Variants in ASTN2 observed in about 807,000 individuals in gnomAD.
ASTN2 encodes astrotactin 2, also known as astrotactin-2.
In ASTN2, 54 loss-of-function variants were observed where a neutral mutation model predicts 139.8. The ratio of observed to expected loss-of-function variants is 0.39; its 90% CI spans 0.31 to 0.48. ASTN2 has a LOEUF of 0.48. Ranked by LOEUF, ASTN2 falls within the 20% of genes least tolerant of loss-of-function variation. The pLI, the probability that ASTN2 is intolerant of heterozygous loss-of-function variation, is 0.95. For missense variants in ASTN2, 1,565 were observed against 1,725.1 expected (o/e 0.91, Z 1.64); for synonymous variants, 756 against 719.5 (o/e 1.05, Z -0.81).
chr9:116,704,469 A>C (rs1035760605), intron 16 of ASTN2, among the ~76,000 whole-genome samples: 1 of 152,224 alleles, frequency 6.6e-6, no homozygotes, highest in Non-Finnish European at 1.5e-5. Flanking sequence ...AAGAAAATGA[A>C]TGACAGTTTA....
At chr9:117,198,651 C>A (rs1831594623) in intron 3 of ASTN2, among the ~76,000 whole-genome samples, 1 of 152,112 alleles carries the variant, frequency 6.6e-6, no homozygotes, top group Non-Finnish European at 1.5e-5. Flanking sequence ...TGGGTATATA[C>A]CCAGTAATGA....
intron 13 of ASTN2, among the ~76,000 whole-genome samples, chr9:116,735,425 A>T (rs1274774285): frequency 6.6e-6 from 1 of 152,186 alleles, no homozygotes; most frequent in Non-Finnish European, 1.5e-5. Flanking sequence ...TTCCCTTGTG[A>T]GGTGGCCTCT....
At chr9:117,400,799 A>G (rs1055109763) in intron 1 of ASTN2, among the ~76,000 whole-genome samples, 1 of 152,052 alleles carries the variant, frequency 6.6e-6, no homozygotes, top group East Asian at 1.9e-4. Context: ...CACATTAGAG[A>G]TGAGGGAAAG....
chr9:117,157,732 G>C (rs573311481), intron 3 of ASTN2, among the ~76,000 whole-genome samples: 1 of 152,128 alleles, frequency 6.6e-6, no homozygotes, highest in South Asian at 2.1e-4. Flanking sequence ...AGTATGACTA[G>C]AGTTCAGTTT....
At chr9:116,543,585 T>C (rs996032410) in intron 19 of ASTN2, 3 of 152,234 alleles carry the variant, frequency 2.0e-5, no homozygotes, top group East Asian at 3.8e-4. Flanking sequence ...CTGTGCCATA[T>C]CCTGTGTTGT....
chr9:117,214,894 G>T, intron 2 of ASTN2, 152 bp from the exon 3 acceptor site: 1 of 979,768 alleles, frequency 1.0e-6, no homozygotes, highest in Non-Finnish European at 1.3e-6. Flanking sequence ...AAGCTAGAGA[G>T]ACATTGTTTC....
At chr9:117,336,276 CTCA>C (rs1230499180) in intron 1 of ASTN2, among the ~76,000 whole-genome samples, 1 of 152,130 alleles carries the variant, frequency 6.6e-6, no homozygotes, top group Non-Finnish European at 1.5e-5. Flanking sequence ...TAAGATGTCA[CTCA>C]TCCTTTATAC....
intron 20 of ASTN2, among the ~76,000 whole-genome samples, chr9:116,473,816 C>T (rs918017814): frequency 6.6e-5 from 10 of 151,926 alleles, no homozygotes; most frequent in African/African-American, 2.2e-4. Flanking sequence ...GCAGGAGAAT[C>T]GCTTGAACCC....
At chr9:116,791,882 GA>G (rs1303583292) in intron 13 of ASTN2, among the ~76,000 whole-genome samples, 1 of 152,162 alleles carries the variant, frequency 6.6e-6, no homozygotes, top group East Asian at 1.9e-4. Flanking sequence ...AAAAAGGGGG[GA>G]AAGCGAGCTG....
intron 13 of ASTN2, among the ~76,000 whole-genome samples, chr9:116,794,820 G>A (rs1331933851): frequency 6.6e-6 from 1 of 152,222 alleles, no homozygotes. Context: ...GGTGATAATA[G>A]GGGAAGAAAA....
intron 19 of ASTN2, among the ~76,000 whole-genome samples, chr9:116,503,320 G>A (rs75566031): frequency 2.0e-5 from 3 of 151,926 alleles, no homozygotes; most frequent in East Asian, 3.9e-4. Context: ...GGAGGAGGAG[G>A]GGGGGAGAGT....
At chr9:116,693,224 C>T (rs184509791) in intron 16 of ASTN2, among the ~76,000 whole-genome samples, 1 of 152,264 alleles carries the variant, frequency 6.6e-6, no homozygotes, top group East Asian at 1.9e-4. Flanking sequence ...ATAGTCATTA[C>T]AGTACTCTTT....
intron 13 of ASTN2, among the ~76,000 whole-genome samples, chr9:116,770,569 C>T (rs1447161944): frequency 6.6e-6 from 1 of 152,132 alleles, no homozygotes; most frequent in East Asian, 1.9e-4. Context: ...TTCTCTATAC[C>T]TTGTCACAAC....
chr9:117,143,074 G>A (rs1264548626), intron 3 of ASTN2, among the ~76,000 whole-genome samples: 1 of 152,222 alleles, frequency 6.6e-6, no homozygotes, highest in East Asian at 1.9e-4. Flanking sequence ...TGTCTGCAGA[G>A]TAAGTCAGAC....
chr9:116,724,074 A>G (rs1481964853), intron 16 of ASTN2, among the ~76,000 whole-genome samples: 2 of 152,214 alleles, frequency 1.3e-5, no homozygotes, highest in African/African-American at 2.4e-5. Context: ...AAGGATGGAG[A>G]AGGGGTGGGA....
intron 19 of ASTN2, among the ~76,000 whole-genome samples, chr9:116,581,472 T>C (rs905003244): frequency 1.3e-4 from 20 of 152,222 alleles, no homozygotes; most frequent in African/African-American, 4.8e-4. Context: ...CTTCTCCTTT[T>C]GGTCAGTTGG....
chr9:116,955,066 G>A (rs146559367), intron 10 of ASTN2, among the ~76,000 whole-genome samples: 1 of 152,372 alleles, frequency 6.6e-6, no homozygotes, highest in East Asian at 1.9e-4. Flanking sequence ...TGACAGGGAT[G>A]AGGACTCGAA....
chr9:116,910,110 C>T (rs1351327457), intron 10 of ASTN2, among the ~76,000 whole-genome samples: 1 of 150,788 alleles, frequency 6.6e-6, no homozygotes, highest in Non-Finnish European at 1.5e-5. Context: ...AATACAAGTA[C>T]AGTCCAAATT....
rs1857919857 is a variant in ASTN2, at chr9:116,651,614, C to T, written c.2986G>A (p.Glu996Lys). 1 of 1,614,174 alleles carries T rather than the reference C, an allele frequency of 6.2e-7. No individual in the cohort carries two copies. The highest frequency in any genetic ancestry group is 8.5e-7 in the Non-Finnish European group (1 of 1,180,036). Residue 996 changes from glutamate (E) to lysine (K), a missense_variant, in exon 17 of 23, where the codon GAG becomes AAG. Around this residue, in one of 4 missense-constraint regions of ASTN2, gnomAD observed 418 missense variants for 465.8 expected, o/e 0.90. Coordinates refer to ENST00000313400, the MANE Select transcript of ASTN2 (RefSeq NM_001365068.1). ...TCHLCRRPGK[E>K]QLSPTPVLLE... Reference sequence around the variant, plus strand: ...AGCACTGGTGTGGGGCTCAGCTGCTCCTTGCCTGGCCGGCGGCAAAGGTGA... The same window carrying T: ...AGCACTGGTGTGGGGCTCAGCTGCTTCTTGCCTGGCCGGCGGCAAAGGTGA...
Sources: gnomAD v4.1 joint callset for allele counts (sites outside exome capture counted in the v4.1 genomes callset) on GRCh38, gnomAD v4.1.1 for gene constraint, gnomAD v4.1.1 regional missense constraint, MANE v1.5 for transcripts, NCBI Gene and HGNC (gene_info 2026-07-23, HGNC 2026-07-21) for gene names.